ITGB2: variants seen among roughly 807,000 people sequenced by gnomAD.
ITGB2 encodes the protein integrin subunit beta 2.
A neutral mutation model predicts 86.8 loss-of-function variants in ITGB2; 56 were observed. The observed-to-expected ratio is 0.65, with a 90% CI of 0.52 to 0.81. The LOEUF (loss-of-function observed/expected upper bound fraction) is 0.81, where lower values mean the gene tolerates loss of function less well. ITGB2 is among the 30% of genes least tolerant of loss of function. ITGB2 has a pLI of 0.00. For synonymous variants in ITGB2, 457 were observed against 450.4 expected (o/e 1.01, Z -0.19); for missense variants, 948 against 1,061.2 (o/e 0.89, Z 1.48).
At chr21:44,912,377 G>A (rs1023067765) in intron 1 of ITGB2, among the ~76,000 whole-genome samples, 3 of 152,228 alleles carry the variant, frequency 2.0e-5, no homozygotes, top group Non-Finnish European at 2.9e-5. Flanking sequence ...TGAGGCCAAC[G>A]GAACACCCAC....
At chr21:44,899,025 A>C in intron 8 of ITGB2, 42 bp downstream of exon 8, 1 of 1,494,820 alleles carries the variant, frequency 6.7e-7, no homozygotes, top group South Asian at 1.1e-5. Flanking sequence ...TGGCTGAAAC[A>C]TGCCCCCACC....
chr21:44,906,401 G>A (rs2084043518), intron 4 of ITGB2, among the ~76,000 whole-genome samples: 1 of 152,068 alleles, frequency 6.6e-6, no homozygotes, highest in African/African-American at 2.4e-5. Context: ...GATTACAGGC[G>A]TGAGCCACCG....
intron 1 of ITGB2, among the ~76,000 whole-genome samples, 170 bp downstream of exon 1, chr21:44,920,651 T>C (rs1380581158): frequency 6.6e-6 from 1 of 152,162 alleles, no homozygotes; most frequent in African/African-American, 2.4e-5. Context: ...GCACTTCCCC[T>C]TGCCGGGTCT....
chr21:44,895,132 C>T, intron 8 of ITGB2, 72 bp from the exon 9 acceptor site: 1 of 1,135,156 alleles, frequency 8.8e-7, no homozygotes, highest in South Asian at 1.2e-5. Flanking sequence ...CTGGGCTCAC[C>T]CCAGGGGCTT....
chr21:44,908,278 C>T, intron 3 of ITGB2: 1 of 568,806 alleles, frequency 1.8e-6, no homozygotes, highest in South Asian at 2.3e-5. Context: ...CCACCCCCTC[C>T]CCTTCTCTAG....
At chr21:44,901,773 G>A (rs1160127087) in intron 5 of ITGB2, 40 bp from the exon 6 acceptor site, 2 of 1,584,706 alleles carry the variant, frequency 1.3e-6, no homozygotes, top group Admixed American at 1.7e-5. Context: ...TGGCAGGCTG[G>A]GCCCAGGTGG....
chr21:44,924,732 A>G (rs1342435863), upstream of ITGB2, among the ~76,000 whole-genome samples: 3 of 152,308 alleles, frequency 2.0e-5, no homozygotes, highest in East Asian at 5.8e-4. Flanking sequence ...TATAGCCTAG[A>G]TCACATACAT....
chr21:44,900,626 C>T lies in ITGB2; in HGVS notation c.742-151G>A. On this transcript the variant is annotated intron_variant, in intron 6 of 15. Transcript: ENST00000652462. ...TGGGTCTCAGGGACCCAGCTGTGTT[C>T]CCCCAGACGCCACGCCCAGGAGGAG... 3 of 892,022 alleles carry T rather than the reference C, an allele frequency of 3.4e-6. 1 individual carries two copies. Among genetic ancestry groups the T allele is most frequent in the South Asian group, 3.2e-5 (2 of 62,926 alleles). 55.3% of individuals were successfully genotyped at this position (892,022 alleles called of 1,614,324 possible).
chr21:44,905,224 C>T (rs1346410688), intron 4 of ITGB2, among the ~76,000 whole-genome samples: 1 of 152,130 alleles, frequency 6.6e-6, no homozygotes, highest in African/African-American at 2.4e-5. Context: ...AGAGGACAGT[C>T]CCTTCCCAGA....
intron 15 of ITGB2, 106 bp from the exon 16 acceptor site, chr21:44,886,536 G>T: frequency 7.0e-7 from 1 of 1,429,920 alleles, no homozygotes; most frequent in Non-Finnish European, 9.9e-7. Context: ...TTGAGGAAGA[G>T]CTAGACGTGG....
intron 8 of ITGB2, 90 bp from the exon 9 acceptor site, chr21:44,895,150 T>A (rs1343082719): frequency 4.2e-6 from 4 of 943,082 alleles, no homozygotes; most frequent in African/African-American, 3.2e-5. Context: ...CTTCTGCACC[T>A]GCAAAATGGC....
Position 44,900,491 on chromosome 21 carries a change from G to C in ITGB2, c.742-16C>G. 3 of 1,613,056 alleles carry C rather than the reference G, an allele frequency of 1.9e-6. 1 individual carries two copies. On this transcript the variant is annotated splice_polypyrimidine_tract_variant and intron_variant, in intron 6 of 15. Transcript: ENST00000652462. Reference sequence around the variant, plus strand: ...CGATTTCCTCCTGAGAAGAAGGCGTGGGGGGCAGGGTTACCTGCCTCAGTT... The same window carrying C: ...CGATTTCCTCCTGAGAAGAAGGCGTCGGGGGCAGGGTTACCTGCCTCAGTT...
intron 13 of ITGB2, 94 bp downstream of exon 13, chr21:44,889,182 G>T: frequency 1.6e-6 from 2 of 1,237,776 alleles, no homozygotes; most frequent in South Asian, 1.3e-5. Context: ...CGGTGCAGAG[G>T]TGCTCACTGG....
rs966773032 is a variant in ITGB2 at position 44,891,905 on chromosome 21, A to G, written c.1316T>C (p.Val439Ala). ...GCACTCACACTGGGGAAGAACCTGC[A>G]CGGTCACTATGTCCGTGAAGCCCAG... ...RALGFTDIVT[V>A]QVLPQCECRC... Residue 439 changes from valine (V) to alanine (A), a missense_variant, in exon 11 of 16, where the codon GTG becomes GCG. By Grantham distance (64) the Val-to-Ala change is moderately conservative (BLOSUM62 0). Coordinates refer to ENST00000652462, the MANE Select transcript of ITGB2 (RefSeq NM_000211.5). The G allele has an allele frequency of 2.8e-5, 45 of 1,613,302 alleles. 1 individual carries two copies. Among genetic ancestry groups the G allele is most frequent in the Non-Finnish European group, 3.6e-5 (42 of 1,179,990 alleles).
In ITGB2 at chr21:44,890,190, TCA is replaced by T; in HGVS notation, c.1443_1444del (p.Cys481Ter). ...GCTGCTCCGGCCCTGTGTCTGGCACTCACAGTTTTTCCCAATGTAGCCAGTGT... is the reference window on the plus strand; with the variant it reads ...GCTGCTCCGGCCCTGTGTCTGGCACTCAGTTTTTCCCAATGTAGCCAGTGT... On this transcript the variant is annotated stop_gained and frameshift_variant, in exon 12 of 16. Coordinates refer to ENST00000652462, the MANE Select transcript of ITGB2 (RefSeq NM_000211.5). LOFTEE classifies it high-confidence loss of function. 6.2e-7 allele frequency: 1 copy of T among 1,613,262 alleles called. No individual in the cohort carries two copies. Among genetic ancestry groups the T allele is most frequent in the Non-Finnish European group, 8.5e-7 (1 of 1,180,000 alleles).
chr21:44,888,906 C>T lies in ITGB2; in HGVS notation c.1878-11G>A, dbSNP rs1331854410. ...CACTCGGCGCAGGAGCTGCGGGGAG[C>T]CAGGTGTGAGCATCGGTGCCAGGGT... On this transcript the variant is annotated splice_polypyrimidine_tract_variant and intron_variant, in intron 13 of 15. Transcript: ENST00000652462. 1 of 1,601,876 alleles carries T rather than the reference C, an allele frequency of 6.2e-7. No individual in the cohort carries two copies. Among genetic ancestry groups the T allele is most frequent in the Middle Eastern group, 1.7e-4 (1 of 5,984 alleles).
chr21:44,886,399 G>A lies in ITGB2; in HGVS notation c.2279C>T (p.Thr760Met), dbSNP rs542061261. 12 of 1,614,166 alleles carry A rather than the reference G, an allele frequency of 7.4e-6. 1 individual carries two copies. The highest frequency in any genetic ancestry group is 1.6e-4 in the Middle Eastern group (1 of 6,062). Residue 760 changes from threonine (T) to methionine (M), a missense_variant, in exon 16 of 16, where the codon ACG becomes ATG. Transcript: ENST00000652462. ...DNPLFKSATT[T>M]VMNPKFAES ...CTCAGCAAACTTGGGGTTCATGACC[G>A]TCGTGGTGGCGCTCTTGAAAAGGGG...
chr21:44,900,290 G>A (rs755736530), intron 7 of ITGB2, 30 bp downstream of exon 7: 24 of 1,613,346 alleles, frequency 1.5e-5, no homozygotes, highest in African/African-American at 2.7e-5. Context: ...CCTGCCAGGC[G>A]GTGCCTGGGT....
At chr21:44,898,761 C>G (rs554907919) in intron 8 of ITGB2, among the ~76,000 whole-genome samples, 2 of 152,324 alleles carry the variant, frequency 1.3e-5, no homozygotes, top group African/African-American at 4.8e-5. Context: ...AAGTGTGTTT[C>G]CATAAAATAA....
Sources: allele counts gnomAD v4.1 joint callset (sites outside exome capture counted in the v4.1 genomes callset), GRCh38; gene constraint gnomAD v4.1.1; transcripts MANE v1.5; gene names NCBI Gene and HGNC (gene_info 2026-07-23, HGNC 2026-07-21).